The following RBFOX1 variants were observed in gnomAD, a reference collection of about 807,000 sequenced individuals.
RBFOX1 encodes the protein RNA binding protein fox-1 homolog 1.
Under a neutral mutation model 57.7 loss-of-function variants are expected in RBFOX1, and 8 were observed. The ratio of observed to expected loss-of-function variants is 0.14; its 90% confidence interval spans 0.08 to 0.25. The LOEUF (loss-of-function observed/expected upper bound fraction) is 0.25, where lower values mean the gene tolerates loss of function less well. Among genes scored for constraint, RBFOX1 ranks in the 10% least tolerant of loss-of-function variants. The probability of loss-of-function intolerance (pLI) is 1.00; values close to 1 mark genes in which losing one functional copy is unlikely to be tolerated. For synonymous variants in RBFOX1, 326 were observed against 222.4 expected (o/e 1.47, Z -4.15); for missense variants, 611 against 548.5 (o/e 1.11, Z -1.14).
chr16:6,345,513 G>C (rs1475581094), intron 2 of RBFOX1, among the ~76,000 whole-genome samples: 1 of 152,120 alleles, frequency 6.6e-6, no homozygotes, highest in Non-Finnish European at 1.5e-5. Context: ...CTGTTTTAGC[G>C]AGTCCTCTAT....
chr16:5,274,908 C>G (rs1005897379), intron 1 of RBFOX1, among the ~76,000 whole-genome samples: 2 of 152,218 alleles, frequency 1.3e-5, no homozygotes, highest in African/African-American at 2.4e-5. Context: ...AACTTCTATT[C>G]TGCAGCAATT....
intron 4 of RBFOX1, among the ~76,000 whole-genome samples, chr16:7,143,034 C>T (rs1249075028): frequency 1.3e-5 from 2 of 151,712 alleles, no homozygotes; most frequent in Non-Finnish European, 2.9e-5. Context: ...TAAAATTTGT[C>T]ATTAATACTA....
intron 4 of RBFOX1, among the ~76,000 whole-genome samples, chr16:7,125,608 G>T (rs952507536): frequency 6.6e-6 from 1 of 152,068 alleles, no homozygotes; most frequent in Non-Finnish European, 1.5e-5. Context: ...TTTCATCATC[G>T]CAATAATATA....
At chr16:6,567,854 C>G (rs1009736100) in intron 2 of RBFOX1, among the ~76,000 whole-genome samples, 5 of 152,188 alleles carry the variant, frequency 3.3e-5, no homozygotes, top group Admixed American at 3.3e-4. Flanking sequence ...CAGGGTCTCA[C>G]TCTGTCACCC....
At chr16:5,658,281 T>C (rs2049521391) in intron 3 of RBFOX1, among the ~76,000 whole-genome samples, 1 of 152,112 alleles carries the variant, frequency 6.6e-6, no homozygotes, top group Admixed American at 6.6e-5. Flanking sequence ...GACATCAGGA[T>C]TGGAAAGATA....
intron 2 of RBFOX1, among the ~76,000 whole-genome samples, chr16:6,418,833 A>G (rs529152474): frequency 6.6e-6 from 1 of 152,176 alleles, no homozygotes; most frequent in South Asian, 2.1e-4. Flanking sequence ...CTGGCCCTTC[A>G]TGCAAGTTTG....
chr16:6,436,478 A>C (rs1262576842), intron 2 of RBFOX1, among the ~76,000 whole-genome samples: 1 of 148,438 alleles, frequency 6.7e-6, no homozygotes, highest in Non-Finnish European at 1.5e-5. Flanking sequence ...TGCTGTGAAC[A>C]ATTTTGACAG....
intron 3 of RBFOX1, among the ~76,000 whole-genome samples, chr16:5,835,213 A>G (rs1044270691): frequency 6.6e-5 from 10 of 152,182 alleles, no homozygotes; most frequent in Non-Finnish European, 8.8e-5. Flanking sequence ...AAGTGAGGAC[A>G]TCTGAAGTGA....
chr16:5,869,123 G>A (rs897364456), intron 4 of RBFOX1, among the ~76,000 whole-genome samples: 12 of 152,138 alleles, frequency 7.9e-5, no homozygotes, highest in African/African-American at 2.2e-4. Flanking sequence ...GGTACAAAGT[G>A]CCATGCCATG....
chr16:6,938,993 G>A (rs1487160216), intron 3 of RBFOX1, among the ~76,000 whole-genome samples: 4 of 152,072 alleles, frequency 2.6e-5, no homozygotes, highest in Admixed American at 1.3e-4. Context: ...CACTGTAACT[G>A]TTCTTGTAGT....
chr16:6,829,762 C>T (rs1440104975), intron 3 of RBFOX1, among the ~76,000 whole-genome samples: 1 of 151,980 alleles, frequency 6.6e-6, no homozygotes, highest in Non-Finnish European at 1.5e-5. Flanking sequence ...CCACAACACC[C>T]AGCTAATTTT....
At chr16:5,594,344 A>T (rs1021346769) in intron 2 of RBFOX1, among the ~76,000 whole-genome samples, 1 of 152,194 alleles carries the variant, frequency 6.6e-6, no homozygotes, top group South Asian at 2.1e-4. Context: ...GTGAGCCCCG[A>T]AAATCTGAGA....
At chr16:5,995,071 AG>A (rs2060468482) in intron 4 of RBFOX1, among the ~76,000 whole-genome samples, 1 of 152,224 alleles carries the variant, frequency 6.6e-6, no homozygotes, top group African/African-American at 2.4e-5. Context: ...AGTTCCAAAT[AG>A]ATGAGTTCTG....
intron 2 of RBFOX1, among the ~76,000 whole-genome samples, chr16:6,472,069 G>T (rs545298124): frequency 1.3e-5 from 2 of 151,882 alleles, no homozygotes; most frequent in African/African-American, 4.8e-5. Flanking sequence ...ATACTGTTTC[G>T]CTGACTAGTC....
At chr16:7,448,019 T>G (rs1318232492) in intron 4 of RBFOX1, among the ~76,000 whole-genome samples, 2 of 152,190 alleles carry the variant, frequency 1.3e-5, no homozygotes, top group African/African-American at 4.8e-5. Context: ...ACACCCACCC[T>G]CCTTTCTTCT....
intron 3 of RBFOX1, among the ~76,000 whole-genome samples, chr16:5,622,832 C>T (rs2048238586): frequency 6.6e-6 from 1 of 152,210 alleles, no homozygotes; most frequent in Non-Finnish European, 1.5e-5. Flanking sequence ...CAAAAATATC[C>T]TTACGTGTAC....
chr16:5,513,387 G>T (rs973359010), intron 2 of RBFOX1, among the ~76,000 whole-genome samples: 6 of 152,104 alleles, frequency 3.9e-5, no homozygotes, highest in Non-Finnish European at 8.8e-5. Context: ...CATATCGAGG[G>T]TGCCAACTAC....
intron 3 of RBFOX1, among the ~76,000 whole-genome samples, chr16:6,925,568 C>T (rs775713701): frequency 3.3e-4 from 50 of 151,960 alleles, no homozygotes; most frequent in Non-Finnish European, 5.0e-4. Context: ...ATAGCTCTAG[C>T]ATTAAGACTA....
chr16:6,437,615 A>G (rs1395037333), intron 2 of RBFOX1, among the ~76,000 whole-genome samples: 1 of 152,154 alleles, frequency 6.6e-6, no homozygotes, highest in African/African-American at 2.4e-5. Context: ...AGACTGTGTA[A>G]TTTATAAAGA....
Sources: allele counts gnomAD v4.1 joint callset (sites outside exome capture counted in the v4.1 genomes callset), GRCh38; gene constraint gnomAD v4.1.1; transcripts MANE v1.5; gene names NCBI Gene and HGNC (gene_info 2026-07-23, HGNC 2026-07-21).